The following NEK4 variants were observed in gnomAD, a reference collection of about 807,000 sequenced individuals.
NEK4 encodes serine/threonine-protein kinase Nek4.
Under a neutral mutation model 98.4 loss-of-function variants are expected in NEK4, and 86 were observed. That is an observed-to-expected ratio of 0.87 (90% CI 0.73 to 1.05). NEK4 has a LOEUF of 1.05. NEK4 is among the 50% of genes least tolerant of loss of function. The probability of loss-of-function intolerance (pLI) is 0.00; values close to 1 mark genes in which losing one functional copy is unlikely to be tolerated. For missense variants in NEK4, 898 were observed against 950.3 expected (o/e 0.94, Z 0.72); for synonymous variants, 328 against 342.2 (o/e 0.96, Z 0.46).
intron 15 of NEK4, among the ~76,000 whole-genome samples, chr3:52,729,438 G>T (rs1398849163): frequency 6.6e-6 from 1 of 152,084 alleles, no homozygotes; most frequent in African/African-American, 2.4e-5. Context: ...GGCGGGCACG[G>T]TGGCTCACAC....
intron 5 of NEK4, among the ~76,000 whole-genome samples, chr3:52,762,987 G>A (rs1698415350): frequency 6.6e-6 from 1 of 152,142 alleles, no homozygotes; most frequent in Non-Finnish European, 1.5e-5. Flanking sequence ...CGTCCTCCCT[G>A]TACCAGAAGG....
chr3:52,747,141 T>C (rs1356013207), intron 8 of NEK4, among the ~76,000 whole-genome samples: 1 of 152,124 alleles, frequency 6.6e-6, no homozygotes, highest in African/African-American at 2.4e-5. Flanking sequence ...TATAGAGGTA[T>C]ACATAACCTT....
chr3:52,749,609 T>A, intron 8 of NEK4, 83 bp downstream of exon 8: 1 of 170,174 alleles, frequency 5.9e-6, no homozygotes, highest in South Asian at 9.2e-5. Flanking sequence ...CGAGGCAGGC[T>A]GATCACTTGA....
Position 52,749,641 on chromosome 3 carries a change from C to T in NEK4, c.1506+51G>A, listed in dbSNP as rs2097401780. On this transcript the variant is annotated intron_variant, in intron 8 of 15. Coordinates refer to ENST00000233027, the MANE Select transcript of NEK4 (RefSeq NM_003157.6). The stretch of plus-strand genomic sequence containing the variant: ...TTGAGGTCAGAAGTTCGTGACCAGC[C>T]TGACCAACATGGTAAAACCCCATCT... The T allele has an allele frequency of 2.0e-5, 4 of 201,326 alleles. No homozygotes were observed. The South Asian group carries it at 2.1e-4, about 11-fold the overall frequency. The allele number at this position is 201,326 out of a possible 1,614,324, so 12.5% of individuals were successfully genotyped here.
intron 7 of NEK4, among the ~76,000 whole-genome samples, chr3:52,751,355 C>T (rs899154323): frequency 6.6e-6 from 1 of 151,874 alleles, no homozygotes; most frequent in Non-Finnish European, 1.5e-5. Flanking sequence ...ACTCGGGAGG[C>T]TGACGCAGGA....
chr3:52,760,896 A>C lies in NEK4; in HGVS notation c.862T>G (p.Ser288Ala), dbSNP rs772572206. ...GAAACCACTGTAGCAAAAGGCTTGG[A>C]TTGAGAGTCACCATTTTTAATGTTA... ...KNNIKNGDSQ[S>A]KPFATVVSGE... The change falls in exon 6 of 16, where the codon TCC becomes GCC. Residue 288 changes from serine (S) to alanine (A), a missense_variant. Ser to Ala is a moderately conservative substitution (Grantham distance 99, BLOSUM62 1). Transcript: ENST00000233027. 66 of 1,594,582 alleles carry C rather than the reference A, an allele frequency of 4.1e-5. No homozygotes were observed. The highest frequency in any genetic ancestry group is 5.6e-5 in the Non-Finnish European group (65 of 1,170,826).
intron 4 of NEK4, 105 bp downstream of exon 4, chr3:52,765,782 A>G (rs542393015): frequency 1.0e-4 from 73 of 713,818 alleles, no homozygotes; most frequent in Admixed American, 9.0e-4. Context: ...CCCAATCTCA[A>G]TAATTACTCA....
chr3:52,767,264 C>T (rs983214471), intron 2 of NEK4, among the ~76,000 whole-genome samples: 4 of 151,170 alleles, frequency 2.6e-5, no homozygotes, highest in Admixed American at 6.6e-5. Flanking sequence ...CGAATCTGGG[C>T]GACAGTGACA....
chr3:52,741,432 G>A lies in NEK4; in HGVS notation c.2072C>T (p.Ser691Leu), dbSNP rs1212023925. The A allele has an allele frequency of 6.2e-7, 1 of 1,605,556 alleles. No individual in the cohort carries two copies. Among genetic ancestry groups the A allele is most frequent in the Non-Finnish European group, 8.5e-7 (1 of 1,172,482 alleles). The change falls in exon 13 of 16, where the codon TCA becomes TTA. Residue 691 changes from serine to leucine, a missense_variant. Physicochemically the swap from Ser to Leu is moderately radical, Grantham distance 145. Transcript: ENST00000233027. ...TTACCCTTCCCCGTAATCCCCATCT[G>A]ACTTATCAGTTGAACTTGTAGAAGA... ...LSSSTSSTDK[S>L]DGDYGEGKGQ...
intron 15 of NEK4, among the ~76,000 whole-genome samples, chr3:52,736,815 A>G (rs1288978852): frequency 6.6e-6 from 1 of 152,036 alleles, no homozygotes; most frequent in Non-Finnish European, 1.5e-5. Context: ...AATTTCATTT[A>G]AAAAAAAGAA....
chr3:52,749,507 C>T (rs1227062362), intron 8 of NEK4, among the ~76,000 whole-genome samples, 185 bp downstream of exon 8: 1 of 151,914 alleles, frequency 6.6e-6, no homozygotes, highest in Non-Finnish European at 1.5e-5. Context: ...TAGATTATTT[C>T]TCCAAAGGAG....
intron 6 of NEK4, 96 bp from the exon 7 acceptor site, chr3:52,752,432 C>T: frequency 8.3e-7 from 1 of 1,205,776 alleles, no homozygotes; most frequent in Non-Finnish European, 1.2e-6. Context: ...AAAAGTTAAA[C>T]ATAGAATTAA....
At chr3:52,760,690 G>C in intron 6 of NEK4, 105 bp downstream of exon 6, 1 of 800,334 alleles carries the variant, frequency 1.2e-6, no homozygotes, top group East Asian at 2.5e-5. Context: ...TTGTACAACA[G>C]AATCTCTAGT....
In NEK4 at chr3:52,770,839, G is replaced by A. The variant is rs1698756677; in HGVS notation, c.-93C>T. 6 of 1,133,000 alleles carry A rather than the reference G, an allele frequency of 5.3e-6. No individual in the cohort carries two copies. The highest frequency in any genetic ancestry group is 2.0e-5 in the Admixed American group (1 of 49,854). 70.2% of individuals were successfully genotyped at this position (1,133,000 alleles called of 1,614,324 possible). ...AAGCTCGGTTCATGCCCGAGAGGGG[G>A]CAGTGGGGGCGGCTGTTGAGGCAGC... On this transcript the variant is annotated 5_prime_UTR_variant, in exon 1 of 16. Transcript: ENST00000233027.
intron 15 of NEK4, among the ~76,000 whole-genome samples, chr3:52,720,660 C>A (rs974332253): frequency 6.6e-6 from 1 of 152,162 alleles, no homozygotes; most frequent in Non-Finnish European, 1.5e-5. Flanking sequence ...AATTCCATAT[C>A]TAGCAAATCT....
At chr3:52,750,968 T>C (rs2097403951) in intron 7 of NEK4, among the ~76,000 whole-genome samples, 1 of 152,092 alleles carries the variant, frequency 6.6e-6, no homozygotes, top group African/African-American at 2.4e-5. Context: ...AGGAATAAAA[T>C]GTTGGTACAT....
chr3:52,711,989 T>C, intron 15 of NEK4, 120 bp from the exon 16 acceptor site: 3 of 564,290 alleles, frequency 5.3e-6, no homozygotes, highest in Non-Finnish European at 9.6e-6. Context: ...AGGAAAATAC[T>C]AATAGTTCAG....
intron 11 of NEK4, 135 bp downstream of exon 11, chr3:52,744,104 A>C: frequency 2.8e-6 from 2 of 714,728 alleles, no homozygotes; most frequent in Non-Finnish European, 5.1e-6. Flanking sequence ...AAATTTCAAA[A>C]TCTTTTCCAA....
At chr3:52,752,434 T>G (rs142145070) in intron 6 of NEK4, 98 bp from the exon 7 acceptor site, 6 of 1,171,090 alleles carry the variant, frequency 5.1e-6, no homozygotes, top group Non-Finnish European at 7.3e-6. Context: ...AAGTTAAACA[T>G]AGAATTAACA....
Sources: gnomAD v4.1 joint callset for allele counts (sites outside exome capture counted in the v4.1 genomes callset) on GRCh38, gnomAD v4.1.1 for gene constraint, MANE v1.5 for transcripts, NCBI Gene and HGNC (gene_info 2026-07-23, HGNC 2026-07-21) for gene names.